Variants in INTS9 observed in about 807,000 individuals in gnomAD.
INTS9 encodes the protein protein related to CPSF subunits of 74 kDa.
In INTS9, 55 loss-of-function variants were observed where a neutral mutation model predicts 79.7. That is an observed-to-expected ratio of 0.69 (90% CI 0.56 to 0.86). INTS9 has a LOEUF of 0.86. Among genes scored for constraint, INTS9 ranks in the 40% least tolerant of loss-of-function variants. The pLI is 0.00. For missense variants in INTS9, 721 were observed against 831.5 expected (o/e 0.87, Z 1.64); for synonymous variants, 319 against 325.2 (o/e 0.98, Z 0.20).
intron 6 of INTS9, among the ~76,000 whole-genome samples, chr8:28,816,599 T>C (rs557917624): frequency 2.5e-4 from 38 of 150,216 alleles, no homozygotes; most frequent in African/African-American, 8.4e-4. Flanking sequence ...TTGTGAATAG[T>C]GCCGCAATAA....
intron 1 of INTS9, among the ~76,000 whole-genome samples, chr8:28,871,482 G>A (rs995500836): frequency 3.3e-5 from 5 of 151,944 alleles, no homozygotes; most frequent in African/African-American, 4.8e-5. Context: ...ACGGCTCACC[G>A]CAGCCTCAAC....
At chr8:28,864,820 G>A (rs1463800348) in intron 1 of INTS9, among the ~76,000 whole-genome samples, 1 of 151,966 alleles carries the variant, frequency 6.6e-6, no homozygotes, top group Non-Finnish European at 1.5e-5. Context: ...GCTGAGGCAC[G>A]TGGATCACTT....
rs1802984878 is a variant in INTS9, at chr8:28,777,830, T to C, written c.1394A>G (p.Gln465Arg). ...GGCACAAGCAGTGTCCTTCATTACCTGCACTTCTTTAAGCAGCTTTGACAC... is the reference window on the plus strand; with the variant it reads ...GGCACAAGCAGTGTCCTTCATTACCCGCACTTCTTTAAGCAGCTTTGACAC... Reference protein sequence around the residue: ...IQVSKLLKEVQPLHVVCPEQY... With the variant: ...IQVSKLLKEVRPLHVVCPEQY... Residue 465 changes from glutamine to arginine, a missense_variant and splice_region_variant, in exon 13 of 17, where the codon CAG becomes CGG. Physicochemically the swap from Gln to Arg is conservative, Grantham distance 43. Transcript: ENST00000521022. The C allele has an allele frequency of 1.2e-6, 2 of 1,603,692 alleles. No individual in the cohort carries two copies. The highest frequency in any genetic ancestry group is 1.1e-5 in the South Asian group (1 of 89,730).
chr8:28,810,604 C>G lies in INTS9; in HGVS notation c.744+1723G>C, dbSNP rs182579321. Among the ~76,000 whole-genome samples, 484 of 149,630 alleles carry G rather than the reference C, an allele frequency of 3.2e-3. 4 individuals are homozygous for G. The highest frequency in any genetic ancestry group is 0.011 in the African/African-American group (440 of 39,130). ...TCCGGGTGACAGAACAAGACCTTCT[C>G]TCTCTCTCTCTCTCTCCGTAAATAG... On this transcript the variant is annotated intron_variant, in intron 8 of 16. Coordinates refer to ENST00000521022, the MANE Select transcript of INTS9 (RefSeq NM_018250.4).
chr8:28,838,240 T>C (rs1387620001), intron 4 of INTS9, among the ~76,000 whole-genome samples: 2 of 151,796 alleles, frequency 1.3e-5, no homozygotes, highest in Non-Finnish European at 2.9e-5. Flanking sequence ...AGACAACTTG[T>C]TTTGCTTTTT....
At chr8:28,788,092 AT>A (rs1266206625) in intron 10 of INTS9, among the ~76,000 whole-genome samples, 21 of 152,302 alleles carry the variant, frequency 1.4e-4, no homozygotes, top group African/African-American at 5.1e-4. Context: ...TTCTCAATAC[AT>A]TTTTTCTTAA....
rs139791376 is a variant in INTS9 at position 28,825,204 on chromosome 8, T to G, written c.488+10088A>C. Among the ~76,000 whole-genome samples, 569 of 152,330 alleles carry G rather than the reference T, an allele frequency of 3.7e-3. 7 individuals are homozygous for G. Among genetic ancestry groups the G allele is most frequent in the African/African-American group, 0.013 (553 of 41,586 alleles). On this transcript the variant is annotated intron_variant, in intron 6 of 16. Transcript: ENST00000521022. ...TGCACAGAAAATGAAGACCTCTCACTCTGGGCCCGGTAGGAGCCAAGGAGT... is the reference window on the plus strand; with the variant it reads ...TGCACAGAAAATGAAGACCTCTCACGCTGGGCCCGGTAGGAGCCAAGGAGT...
intron 2 of INTS9, among the ~76,000 whole-genome samples, 196 bp from the exon 3 acceptor site, chr8:28,850,469 TA>T (rs1452900338): frequency 1.3e-5 from 2 of 151,290 alleles, no homozygotes; most frequent in African/African-American, 4.9e-5. Flanking sequence ...AATAGGATAT[TA>T]AAAGGTCAAA....
intron 6 of INTS9, among the ~76,000 whole-genome samples, chr8:28,820,652 C>T (rs961666877): frequency 3.3e-5 from 5 of 152,172 alleles, no homozygotes; most frequent in Non-Finnish European, 7.3e-5. Context: ...GCAAAAGTGA[C>T]TTTCAAGGCC....
chr8:28,862,596 T>C (rs1486866926), intron 1 of INTS9, among the ~76,000 whole-genome samples: 7 of 152,210 alleles, frequency 4.6e-5, no homozygotes, highest in Non-Finnish European at 8.8e-5. Flanking sequence ...TCAAAAAAGA[T>C]GAGTATTTTA....
intron 5 of INTS9, 121 bp downstream of exon 5, chr8:28,837,516 C>G: frequency 1.0e-5 from 11 of 1,065,394 alleles, no homozygotes; most frequent in Non-Finnish European, 2.6e-6. Context: ...CCTGCCTGTT[C>G]TTTGGGTTAG....
chr8:28,775,764 G>T lies in INTS9; in HGVS notation c.1558C>A (p.Pro520Thr), dbSNP rs1802831010. 1 of 1,613,890 alleles carries T rather than the reference G, an allele frequency of 6.2e-7. No homozygotes were observed. The highest frequency in any genetic ancestry group is 1.3e-5 in the African/African-American group (1 of 74,916). ...TAGGAAGGAGAACAGCTCACCTCTGGCATGATCTCGATCTTCTCGTACCGA... is the reference window on the plus strand; with the variant it reads ...TAGGAAGGAGAACAGCTCACCTCTGTCATGATCTCGATCTTCTCGTACCGA... The part of the protein sequence containing the change: ...KRRYEKIEIM[P>T]ELADSLVPME... Residue 520 changes from proline (P) to threonine (T), a missense_variant, in exon 14 of 17, where the codon CCA becomes ACA. By Grantham distance (38) the Pro-to-Thr change is conservative (BLOSUM62 -1). This residue lies in a region of INTS9 where 281 missense variants were observed against 300.8 expected (regional missense o/e 0.93). Transcript: ENST00000521022.
At chr8:28,867,414 G>A (rs887576251) in intron 1 of INTS9, among the ~76,000 whole-genome samples, 14 of 150,840 alleles carry the variant, frequency 9.3e-5, no homozygotes, top group South Asian at 4.2e-4. Flanking sequence ...GTAAGACTCC[G>A]TCTACAAAAA....
At chr8:28,875,278 G>C (rs1809318231) in intron 1 of INTS9, among the ~76,000 whole-genome samples, 1 of 150,212 alleles carries the variant, frequency 6.7e-6, no homozygotes, top group Admixed American at 6.6e-5. Flanking sequence ...CTGCTACAGA[G>C]CACTACAAAG....
intron 10 of INTS9, among the ~76,000 whole-genome samples, chr8:28,790,526 C>T (rs1803865277): frequency 6.6e-6 from 1 of 152,112 alleles, no homozygotes. Context: ...TGAGGTCTTG[C>T]TATGTTGCTC....
chr8:28,830,625 A>G (rs1806426108), intron 6 of INTS9, among the ~76,000 whole-genome samples: 1 of 151,166 alleles, frequency 6.6e-6, no homozygotes, highest in Admixed American at 6.6e-5. Context: ...ACCCTGTCTC[A>G]AAAAATTAAA....
intron 6 of INTS9, among the ~76,000 whole-genome samples, chr8:28,825,629 T>C (rs1806102143): frequency 6.6e-6 from 1 of 152,226 alleles, no homozygotes; most frequent in South Asian, 2.1e-4. Flanking sequence ...GATTAAGAAC[T>C]GGAACAGCCT....
Position 28,885,910 on chromosome 8 carries a change from A to T in INTS9, c.9+3964T>A, listed in dbSNP as rs146512871. Among the ~76,000 whole-genome samples the T allele has an allele frequency of 3.3e-3, 498 of 152,340 alleles. 3 individuals carry two copies. The highest frequency in any genetic ancestry group is 0.011 in the African/African-American group (472 of 41,572). ...ATGATTCTGGTTAACTGAAAATGCCAATGAGTTTTCTTCAGTTAAATAAAG... is the reference window on the plus strand; with the variant it reads ...ATGATTCTGGTTAACTGAAAATGCCTATGAGTTTTCTTCAGTTAAATAAAG... On this transcript the variant is annotated intron_variant, in intron 1 of 16. Transcript: ENST00000521022.
intron 1 of INTS9, among the ~76,000 whole-genome samples, chr8:28,870,349 C>CTTT (rs10580665): frequency 2.7e-4 from 22 of 80,572 alleles, no homozygotes; most frequent in South Asian, 6.1e-4. Flanking sequence ...CAGAAAAAAG[C>CTTT]TTTTTTTTTT....
Sources: allele counts gnomAD v4.1 joint callset (sites outside exome capture counted in the v4.1 genomes callset), GRCh38; gene constraint gnomAD v4.1.1; regional missense constraint gnomAD v4.1.1; transcripts MANE v1.5; gene names NCBI Gene and HGNC (gene_info 2026-07-23, HGNC 2026-07-21).